The following POLR1D variants were observed in gnomAD, a reference collection of about 807,000 sequenced individuals.
POLR1D encodes RNA polymerase I and III subunit D, also known as DNA-directed RNA polymerases I and III subunit RPAC2.
Under a neutral mutation model 10.8 loss-of-function variants are expected in POLR1D, and 8 were observed. The observed-to-expected ratio is 0.74, with a 90% CI of 0.43 to 1.33. The LOEUF is 1.33. Among genes scored for constraint, POLR1D ranks in the 40% most tolerant of loss-of-function variants. POLR1D has a pLI of 0.01. For synonymous variants in POLR1D, 54 were observed against 57.2 expected (o/e 0.94, Z 0.25); for missense variants, 152 against 161.7 (o/e 0.94, Z 0.32).
exon 3 of POLR1D, chr13:27,666,783 A>G (rs964764619): frequency 6.6e-6 from 1 of 151,954 alleles, no homozygotes; most frequent in Admixed American, 6.6e-5. Flanking sequence ...TTTTTCCCCC[A>G]GTATTGGTTT....
intron 2 of POLR1D, chr13:27,648,597 CT>C (rs1257621838): frequency 6.6e-6 from 4 of 604,968 alleles, no homozygotes; most frequent in Non-Finnish European, 1.2e-5. Flanking sequence ...GAGTAAGACA[CT>C]GCTGAGAACT....
At chr13:27,658,930 C>T (rs1249183885) in intron 2 of POLR1D, among the ~76,000 whole-genome samples, 2 of 152,198 alleles carry the variant, frequency 1.3e-5, no homozygotes, top group African/African-American at 4.8e-5. Flanking sequence ...CAGCCTTATA[C>T]TTGGAAAAGC....
At chr13:27,657,613 G>A (rs1956320643) in intron 2 of POLR1D, among the ~76,000 whole-genome samples, 2 of 152,092 alleles carry the variant, frequency 1.3e-5, no homozygotes, top group African/African-American at 2.4e-5. Context: ...GTCTAAGATC[G>A]GTCCTACAGG....
At chr13:27,661,819 A>G (rs983016119) in intron 2 of POLR1D, among the ~76,000 whole-genome samples, 2 of 152,182 alleles carry the variant, frequency 1.3e-5, no homozygotes, top group African/African-American at 2.4e-5. Flanking sequence ...GAGATCACCC[A>G]CCTACTTCAA....
downstream of POLR1D, among the ~76,000 whole-genome samples, chr13:27,625,667 A>G (rs1956001228): frequency 6.6e-6 from 1 of 152,160 alleles, no homozygotes; most frequent in Non-Finnish European, 1.5e-5. Context: ...ATTAAAAAAA[A>G]AAAAATAGAG....
At chr13:27,658,179 GC>G in intron 2 of POLR1D, among the ~76,000 whole-genome samples, 1 of 152,186 alleles carries the variant, frequency 6.6e-6, no homozygotes, top group Non-Finnish European at 1.5e-5. Context: ...TGTGGCCTGG[GC>G]TTTGGAGTTT....
intron 2 of POLR1D, among the ~76,000 whole-genome samples, chr13:27,662,365 C>A (rs1173011148): frequency 6.6e-6 from 1 of 151,586 alleles, no homozygotes; most frequent in Non-Finnish European, 1.5e-5. Context: ...ACTAGACACC[C>A]CCCCCACCAC....
Position 27,622,018 on chromosome 13 carries a change from C to T in POLR1D, c.26+9C>T, listed in dbSNP as rs1444122794. 6.3e-7 allele frequency: 1 copy of T among 1,584,968 alleles called. No individual in the cohort carries two copies. The highest frequency in any genetic ancestry group is 8.6e-7 in the Non-Finnish European group (1 of 1,165,856). On this transcript the variant is annotated intron_variant, in intron 1 of 1. Coordinates refer to ENST00000302979, the MANE Select transcript of POLR1D (RefSeq NM_015972.4). ...GATCAGGAGCTGGAGAGGTAACGGC[C>T]GAGGAGGAGGCGGGCGGAGCGGGCC...
chr13:27,629,432 C>G (rs547109032), intron 1 of POLR1D, among the ~76,000 whole-genome samples: 95 of 152,308 alleles, frequency 6.2e-4, no homozygotes, highest in Non-Finnish European at 1.1e-3. Context: ...ATAAAGCATA[C>G]TCTCAATCAA....
chr13:27,648,432 A>T, exon 2 of POLR1D: 1 of 1,609,726 alleles, frequency 6.2e-7, no homozygotes, highest in Non-Finnish European at 8.5e-7. Flanking sequence ...ACTAGAGCTG[A>T]AACAATGGGA....
chr13:27,642,052 G>T (rs537665425), intron 1 of POLR1D, among the ~76,000 whole-genome samples: 36 of 152,248 alleles, frequency 2.4e-4, no homozygotes, highest in African/African-American at 7.2e-4. Flanking sequence ...CCAACACTAG[G>T]CGCTGTCATC....
At chr13:27,642,055 C>T (rs1355819608) in intron 1 of POLR1D, among the ~76,000 whole-genome samples, 1 of 152,172 alleles carries the variant, frequency 6.6e-6, no homozygotes, top group Non-Finnish European at 1.5e-5. Flanking sequence ...ACACTAGGCG[C>T]TGTCATCTCA....
At chr13:27,661,941 G>A (rs1052673820) in intron 2 of POLR1D, among the ~76,000 whole-genome samples, 4 of 152,138 alleles carry the variant, frequency 2.6e-5, no homozygotes, top group Non-Finnish European at 4.4e-5. Flanking sequence ...CGGTGGCAAT[G>A]GAGAATTGAG....
chr13:27,646,582 C>T (rs1207946959), intron 1 of POLR1D, among the ~76,000 whole-genome samples: 1 of 152,084 alleles, frequency 6.6e-6, no homozygotes, highest in African/African-American at 2.4e-5. Flanking sequence ...AGTGGGCCTT[C>T]CCAAGAAGGA....
At chr13:27,665,571 C>G (rs1326348713) in intron 2 of POLR1D, 7 of 968,146 alleles carry the variant, frequency 7.2e-6, no homozygotes, top group African/African-American at 1.6e-5. Context: ...CTAACAAATT[C>G]AGAAACTCGA....
chr13:27,634,104 C>T (rs1301383927), intron 1 of POLR1D, among the ~76,000 whole-genome samples: 1 of 152,132 alleles, frequency 6.6e-6, no homozygotes, highest in Non-Finnish European at 1.5e-5. Context: ...ATGGCAAAGA[C>T]TGCAGTTTGT....
chr13:27,625,659 TA>T (rs60864865), downstream of POLR1D, among the ~76,000 whole-genome samples: 2,189 of 141,678 alleles, frequency 0.015, 43 homozygotes, highest in African/African-American at 0.048. Context: ...ATAAATTGAT[TA>T]AAAAAAAAAA....
At chr13:27,624,500 T>C (rs529322618), downstream of POLR1D, among the ~76,000 whole-genome samples, 3 of 152,320 alleles carry the variant, frequency 2.0e-5, no homozygotes, top group Non-Finnish European at 4.4e-5. Flanking sequence ...GATATCCATA[T>C]TTTTGAGCAC....
downstream of POLR1D, among the ~76,000 whole-genome samples, chr13:27,624,248 T>C (rs1326191912): frequency 6.6e-6 from 1 of 152,208 alleles, no homozygotes; most frequent in East Asian, 1.9e-4. Flanking sequence ...ACCCTGTGTT[T>C]CCTGGCCTTG....
Sources: allele counts gnomAD v4.1 joint callset (sites outside exome capture counted in the v4.1 genomes callset), GRCh38; gene constraint gnomAD v4.1.1; transcripts MANE v1.5; gene names NCBI Gene and HGNC (gene_info 2026-07-23, HGNC 2026-07-21).